The following HELQ variants were observed in gnomAD, a reference collection of about 807,000 sequenced individuals.
HELQ encodes the protein helicase POLQ-like.
A neutral mutation model predicts 111.6 loss-of-function variants in HELQ; 77 were observed. The ratio of observed to expected loss-of-function variants is 0.69; its 90% confidence interval spans 0.57 to 0.83. HELQ has a LOEUF of 0.83. Ranked by LOEUF, HELQ falls within the 40% of genes least tolerant of loss-of-function variation. The pLI is 0.00. For synonymous variants in HELQ, 438 were observed against 454.7 expected, an observed-to-expected ratio of 0.96 and a Z score of 0.47; for missense variants, 1,200 against 1,288.5, an observed-to-expected ratio of 0.93 and a Z score of 1.05.
Position 83,455,346 on chromosome 4 carries a change from T to A in HELQ, c.297+51A>T, listed in dbSNP as rs906629768. ...CGATAAAACTGGTCAACTCTTTGCA[T>A]CTGGGAAGGATGCCAAAAGTTTGCA... On this transcript the variant is annotated intron_variant, in intron 1 of 17. Transcript: ENST00000295488. 1.4e-5 allele frequency: 22 copies of A among 1,588,416 alleles called. No homozygotes were observed. In the Admixed American group the frequency reaches 2.9e-4, roughly 21 times the overall value.
At chr4:83,408,045 CA>C (rs903130492) in intron 17 of HELQ, among the ~76,000 whole-genome samples, 6 of 151,744 alleles carry the variant, frequency 4.0e-5, no homozygotes, top group Non-Finnish European at 7.4e-5. Flanking sequence ...ACATAATGAG[CA>C]AAAAAAGTAT....
chr4:83,442,378 C>T, intron 6 of HELQ, among the ~76,000 whole-genome samples: 1 of 149,714 alleles, frequency 6.7e-6, no homozygotes, highest in Admixed American at 6.8e-5. Context: ...AGTGATCCTC[C>T]CATCTCACCC....
At chr4:83,451,969 C>T (rs1391614913) in intron 2 of HELQ, among the ~76,000 whole-genome samples, 1 of 152,170 alleles carries the variant, frequency 6.6e-6, no homozygotes, top group African/African-American at 2.4e-5. Context: ...TCATAAGATC[C>T]TAACAGGAGT....
At position 83,448,142 on chromosome 4, in the gene HELQ, G is replaced by A. The variant is rs546935323; in HGVS notation, c.1191+641C>T. ...GGAGAATCACTTGAACCCAAGAGGC[G>A]GAGGTTGCAGTGAGCAGAGATTGTG... On this transcript the variant is annotated intron_variant, in intron 3 of 17. Coordinates refer to ENST00000295488, the MANE Select transcript of HELQ (RefSeq NM_133636.5). 6.4e-4 allele frequency among the ~76,000 whole-genome samples: 98 copies of A among 151,964 alleles called. No homozygotes were observed. The Middle Eastern group carries it at 0.014, about 21-fold the overall frequency.
chr4:83,448,874 A>G lies in HELQ; in HGVS notation c.1100T>C (p.Leu367Pro), dbSNP rs755522151. ...TTGCAGCATTAAAATCTCAGCCACG[A>G]GGGTTTTTCCACCACTTGTTGGCAA... ...YSLPTSGGKTLVAEILMLQEL... is the reference protein window; with the variant it reads ...YSLPTSGGKTPVAEILMLQEL... The change falls in exon 3 of 18, where the codon CTC becomes CCC. Residue 367 changes from leucine to proline, a missense_variant. Leu to Pro is a moderately conservative substitution (Grantham distance 98). This residue lies in a region of HELQ where 610 missense variants were observed against 607.1 expected (regional missense o/e 1.00). Coordinates refer to ENST00000295488, the MANE Select transcript of HELQ (RefSeq NM_133636.5). 20 of 1,613,712 alleles carry G rather than the reference A, an allele frequency of 1.2e-5. No individual in the cohort carries two copies. In the East Asian group the frequency reaches 3.6e-4, roughly 29 times the overall value.
intron 12 of HELQ, among the ~76,000 whole-genome samples, chr4:83,429,264 A>C (rs1228089848): frequency 6.6e-6 from 1 of 152,088 alleles, no homozygotes. Flanking sequence ...CCTGTGCCTC[A>C]GCCTCCCGAG....
intron 17 of HELQ, among the ~76,000 whole-genome samples, chr4:83,408,533 G>A (rs1290322055): frequency 4.0e-5 from 6 of 151,268 alleles, no homozygotes; most frequent in Non-Finnish European, 8.8e-5. Context: ...TTACAGGTGT[G>A]AGCCACCATG....
rs139669051 is a variant in HELQ, at chr4:83,411,087, G to T, written c.3199-3527C>A. On this transcript the variant is annotated intron_variant, in intron 17 of 17. Transcript: ENST00000295488. ...AAGTGGGAGGATCACCTGAGCTTGG[G>T]AGGCTAAGGTTGCAGTGAGGCATGA... is the stretch of plus-strand genomic sequence containing the variant. Among the ~76,000 whole-genome samples the T allele has an allele frequency of 1.9e-3, 280 of 150,436 alleles. 1 individual carries two copies. Among genetic ancestry groups the T allele is most frequent in the African/African-American group, 6.4e-3 (261 of 40,818 alleles).
intron 6 of HELQ, among the ~76,000 whole-genome samples, chr4:83,442,509 T>G (rs1314213160): frequency 6.7e-6 from 1 of 150,050 alleles, no homozygotes; most frequent in Non-Finnish European, 1.5e-5. Flanking sequence ...CCCACTGGGT[T>G]CAAGCGATTC....
intron 14 of HELQ, among the ~76,000 whole-genome samples, chr4:83,425,431 G>A (rs1719797181): frequency 1.3e-5 from 2 of 152,116 alleles, no homozygotes; most frequent in South Asian, 4.1e-4. Context: ...GTATGGTTAT[G>A]AAAGAATTAC....
At chr4:83,431,174 T>A (rs928733324) in intron 11 of HELQ, among the ~76,000 whole-genome samples, 1 of 150,164 alleles carries the variant, frequency 6.7e-6, no homozygotes, top group African/African-American at 2.5e-5. Flanking sequence ...CCTAGCACTT[T>A]GGGAGGCTAA....
intron 9 of HELQ, among the ~76,000 whole-genome samples, chr4:83,435,564 GA>G (rs1229139733): frequency 2.0e-5 from 3 of 147,726 alleles, no homozygotes; most frequent in Non-Finnish European, 4.4e-5. Flanking sequence ...ATTACTCAAG[GA>G]AGGCAAAATT....
At chr4:83,431,528 AAAATT>A (rs1032526020) in intron 11 of HELQ, 131 bp downstream of exon 11, 28 of 337,924 alleles carry the variant, frequency 8.3e-5, no homozygotes, top group African/African-American at 6.0e-4. Context: ...TAAAAAGAAA[AAAATT>A]AAAAGAAAAA....
At chr4:83,416,056 C>T (rs560295255) in intron 17 of HELQ, among the ~76,000 whole-genome samples, 15 of 151,786 alleles carry the variant, frequency 9.9e-5, no homozygotes, top group East Asian at 1.9e-4. Flanking sequence ...AAGCAATTCT[C>T]CTGCCTCAGC....
chr4:83,443,599 A>G lies in HELQ; in HGVS notation c.1481T>C (p.Ile494Thr), dbSNP rs775059417. Residue 494 changes from isoleucine (I) to threonine (T), a missense_variant, in exon 6 of 18, where the codon ATT becomes ACT. By Grantham distance (89) the Ile-to-Thr change is moderately conservative. Transcript: ENST00000295488. ...ATTGTTTAATGTTGCACTCATACCA[A>G]TAATTTGAGTCGTTTCTAAAACACA... is the stretch of plus-strand genomic sequence containing the variant. ...ILYTSKTTQI[I>T]GMSATLNNVE... 11 of 1,524,374 alleles carry G rather than the reference A, an allele frequency of 7.2e-6. No homozygotes were observed. The highest frequency in any genetic ancestry group is 9.9e-6 in the Non-Finnish European group (11 of 1,111,962). The allele number at this position is 1,524,374 out of a possible 1,614,324, so 94.4% of individuals were successfully genotyped here.
At chr4:83,419,301 G>A (rs1270244123) in intron 15 of HELQ, among the ~76,000 whole-genome samples, 1 of 151,534 alleles carries the variant, frequency 6.6e-6, no homozygotes. Context: ...AAGTAGACCA[G>A]GTGTGGTGGC....
intron 17 of HELQ, among the ~76,000 whole-genome samples, chr4:83,411,174 A>G (rs1436355229): frequency 1.3e-5 from 2 of 151,106 alleles, no homozygotes; most frequent in African/African-American, 2.4e-5. Context: ...AAAAAAAAAA[A>G]AAAGAAAGTC....
intron 17 of HELQ, among the ~76,000 whole-genome samples, chr4:83,408,313 G>A (rs1484466330): frequency 1.3e-5 from 2 of 152,012 alleles, no homozygotes; most frequent in Non-Finnish European, 2.9e-5. Context: ...GCACGGTGGC[G>A]TGATCTCAGC....
At chr4:83,424,686 T>C (rs1719749039) in intron 14 of HELQ, among the ~76,000 whole-genome samples, 1 of 152,098 alleles carries the variant, frequency 6.6e-6, no homozygotes, top group Non-Finnish European at 1.5e-5. Flanking sequence ...GCCTCCTGAG[T>C]AGCTGGGATT....
Sources: allele counts gnomAD v4.1 joint callset (sites outside exome capture counted in the v4.1 genomes callset), GRCh38; gene constraint gnomAD v4.1.1; regional missense constraint gnomAD v4.1.1; transcripts MANE v1.5; gene names NCBI Gene and HGNC (gene_info 2026-07-23, HGNC 2026-07-21).